The following PCDHGA1 variants were observed in gnomAD, a reference collection of about 807,000 sequenced individuals.
PCDHGA1 encodes protocadherin gamma-A1.
In PCDHGA1, 32 loss-of-function variants were observed where a neutral mutation model predicts 58.0. The ratio of observed to expected loss-of-function variants is 0.55; its 90% CI spans 0.42 to 0.74. The LOEUF (loss-of-function observed/expected upper bound fraction) is 0.74, where lower values mean the gene tolerates loss of function less well. PCDHGA1 is among the 30% of genes least tolerant of loss of function. PCDHGA1 has a pLI of 0.00. For missense variants in PCDHGA1, 1,205 were observed against 1,182.3 expected, an observed-to-expected ratio of 1.02 and a Z score of -0.28; for synonymous variants, 498 against 501.1, an observed-to-expected ratio of 0.99 and a Z score of 0.08.
chr5:141,399,642 G>T lies in PCDHGA1; in HGVS notation c.2421+66537G>T. 1.9e-6 allele frequency: 3 copies of T among 1,613,750 alleles called. 1 individual carries two copies. Among genetic ancestry groups the T allele is most frequent in the Non-Finnish European group, 2.5e-6 (3 of 1,179,856 alleles). ...TGGCCTCTTACGTGTCCATGAGCGC[G>T]CAAAGTGGGGTGGTGTTCGCGCAGC... On this transcript the variant is annotated intron_variant, in intron 1 of 3. Transcript: ENST00000517417.
Position 141,476,512 on chromosome 5 carries a change from T to C in PCDHGA1, c.2422-18295T>C, listed in dbSNP as rs1171240377. ...TGATCCAGGACATCAACGACAACAA[T>C]CCTGCTTTCCCTACCCAGGAAATGA... On this transcript the variant is annotated intron_variant, in intron 1 of 3. Transcript: ENST00000517417. This position sits in a 1 kb window ranked among gnomAD's most constrained non-coding sequence, Gnocchi z 7.6. The C allele has an allele frequency of 6.2e-7, 1 of 1,613,642 alleles. No homozygotes were observed. Among genetic ancestry groups the C allele is most frequent in the Non-Finnish European group, 8.5e-7 (1 of 1,179,940 alleles).
At chr5:141,384,730 G>A (rs752038561) in intron 1 of PCDHGA1, 2 of 1,614,092 alleles carry the variant, frequency 1.2e-6, no homozygotes, top group East Asian at 2.2e-5. Context: ...CCTGCTTAAG[G>A]CCAGCGAGCC....
chr5:141,415,907 T>C, intron 1 of PCDHGA1: 1 of 779,592 alleles, frequency 1.3e-6, no homozygotes. Context: ...CAGACTTCCA[T>C]ACAGAAGTGC....
intron 1 of PCDHGA1, chr5:141,343,311 CTGTG>C: frequency 1.0e-6 from 1 of 975,244 alleles, no homozygotes; most frequent in Non-Finnish European, 1.2e-6. Context: ...TGGCTGATTT[CTGTG>C]TGTTTCTTTT....
chr5:141,359,110 A>G (rs1761121037), intron 1 of PCDHGA1, among the ~76,000 whole-genome samples: 1 of 152,222 alleles, frequency 6.6e-6, no homozygotes, highest in African/African-American at 2.4e-5. Context: ...GTATTCATAG[A>G]AAGTTGTGGT....
chr5:141,486,565 TC>T lies in PCDHGA1; in HGVS notation c.2422-8240del. The T allele has an allele frequency of 6.2e-7, 1 of 1,614,024 alleles. No homozygotes were observed. The highest frequency in any genetic ancestry group is 2.2e-5 in the East Asian group (1 of 44,880). On this transcript the variant is annotated intron_variant, in intron 1 of 3. Transcript: ENST00000517417. This position sits in a 1 kb window ranked among gnomAD's most constrained non-coding sequence, Gnocchi z 5.0. Reference sequence around the variant, plus strand: ...TTCAGAGGTCACATGAGGTGTTTGTTCCTGAGAACAATCGCCCAGGGGACCT... The same window carrying T: ...TTCAGAGGTCACATGAGGTGTTTGTTCTGAGAACAATCGCCCAGGGGACCT...
chr5:141,510,894 A>G, intron 3 of PCDHGA1, 53 bp from the exon 4 acceptor site: 2 of 1,612,850 alleles, frequency 1.2e-6, no homozygotes, highest in Non-Finnish European at 8.5e-7. Flanking sequence ...TAAGACAGTG[A>G]CTGTTGAGGA....
chr5:141,479,651 C>A (rs56818742), intron 1 of PCDHGA1: 43,954 of 152,194 alleles, frequency 0.29, 6,853 homozygotes, highest in African/African-American at 0.41. Flanking sequence ...ACAACAACAA[C>A]AATCCCAGAA....
Position 141,431,628 on chromosome 5 carries a change from A to T in PCDHGA1, c.2422-63179A>T, listed in dbSNP as rs1204083567. The T allele has an allele frequency of 6.2e-7, 1 of 1,614,138 alleles. No individual in the cohort carries two copies. Among genetic ancestry groups the T allele is most frequent in the Non-Finnish European group, 8.5e-7 (1 of 1,180,058 alleles). ...CGGTATGTGGACGACAAGGCGGCCC[A>T]AGTTTTCAAACTAGATTGTAATTCA... On this transcript the variant is annotated intron_variant, in intron 1 of 3. Coordinates refer to ENST00000517417, the MANE Select transcript of PCDHGA1 (RefSeq NM_018912.3). The surrounding 1 kb of genome is among the most constrained non-coding windows in gnomAD (Gnocchi z 4.8).
chr5:141,400,513 C>A, intron 1 of PCDHGA1: 1 of 1,613,994 alleles, frequency 6.2e-7, no homozygotes, highest in Non-Finnish European at 8.5e-7. Context: ...GTCGACTTCC[C>A]ATCCTGAGTT....
At position 141,512,430 on chromosome 5, in the gene PCDHGA1, CT is replaced by C. The variant is rs1357890225; in HGVS notation, c.*1258del. The C allele has an allele frequency of 1.3e-5, 2 of 152,824 alleles. No homozygotes were observed. Among genetic ancestry groups the C allele is most frequent in the Non-Finnish European group, 2.9e-5 (2 of 68,158 alleles). 9.5% of individuals were successfully genotyped at this position (152,824 alleles called of 1,614,324 possible). On this transcript the variant is annotated 3_prime_UTR_variant, in exon 4 of 4. Coordinates refer to ENST00000517417, the MANE Select transcript of PCDHGA1 (RefSeq NM_018912.3). ...CTTCTTCAACAGGGCCCCTGCCCTCCTGAAGCCTCAGTCCTTCACCTTGCCA... is the reference window on the plus strand; with the variant it reads ...CTTCTTCAACAGGGCCCCTGCCCTCCGAAGCCTCAGTCCTTCACCTTGCCA...
intron 1 of PCDHGA1, chr5:141,370,471 A>G (rs773034189): frequency 3.1e-6 from 5 of 1,613,570 alleles, no homozygotes; most frequent in Non-Finnish European, 4.2e-6. Flanking sequence ...TCTTTGTTAG[A>G]CCAGGCTCTC....
At position 141,374,455 on chromosome 5, in the gene PCDHGA1, G is replaced by A. The variant is rs772470084; in HGVS notation, c.2421+41350G>A. 3.7e-6 allele frequency: 6 copies of A among 1,613,610 alleles called. No homozygotes were observed. In the South Asian group the frequency reaches 5.5e-5, roughly 15 times the overall value. The stretch of plus-strand genomic sequence containing the variant: ...TTTATCCCGTGGAAGTGGAAATAGT[G>A]GACATTAATGACAATACACCCCGAT... On this transcript the variant is annotated intron_variant, in intron 1 of 3. Coordinates refer to ENST00000517417, the MANE Select transcript of PCDHGA1 (RefSeq NM_018912.3).
intron 2 of PCDHGA1, among the ~76,000 whole-genome samples, chr5:141,505,177 A>T (rs917485235): frequency 6.6e-6 from 1 of 152,180 alleles, no homozygotes. Context: ...AAAAGAAAAA[A>T]GCATCGGAGG....
chr5:141,355,591 C>T (rs1759908774), intron 1 of PCDHGA1: 1 of 1,613,974 alleles, frequency 6.2e-7, no homozygotes, highest in East Asian at 2.2e-5. Context: ...TGATAACCCA[C>T]CCAGTTTTGG....
chr5:141,358,949 C>T (rs1406811787), intron 1 of PCDHGA1, among the ~76,000 whole-genome samples: 1 of 152,136 alleles, frequency 6.6e-6, no homozygotes, highest in African/African-American at 2.4e-5. Flanking sequence ...GTTCTTTGTG[C>T]TTTCATTTAG....
chr5:141,422,828 T>C (rs1273420440), intron 1 of PCDHGA1: 2 of 1,614,232 alleles, frequency 1.2e-6, no homozygotes, highest in East Asian at 4.5e-5. Context: ...CTGAGAGTGA[T>C]AGCACGTGAC....
intron 2 of PCDHGA1, among the ~76,000 whole-genome samples, chr5:141,504,621 T>A (rs1185981312): frequency 7.9e-6 from 1 of 126,856 alleles, no homozygotes; most frequent in Non-Finnish European, 1.6e-5. Flanking sequence ...GATAGGAAAG[T>A]GCACCTTGGA....
chr5:141,383,435 C>T (rs749433529), intron 1 of PCDHGA1: 1 of 1,613,988 alleles, frequency 6.2e-7, no homozygotes, highest in Non-Finnish European at 8.5e-7. Context: ...CGCCACTTCT[C>T]CCTGGCTGTG....
Sources: allele counts gnomAD v4.1 joint callset (sites outside exome capture counted in the v4.1 genomes callset), GRCh38; gene constraint gnomAD v4.1.1; non-coding constraint Gnocchi (gnomAD v3.1); transcripts MANE v1.5; gene names NCBI Gene and HGNC (gene_info 2026-07-23, HGNC 2026-07-21).